RAB18: variants seen among roughly 807,000 people sequenced by gnomAD.
The protein encoded by RAB18 is ras-related protein Rab-18.
In RAB18, 10 loss-of-function variants were observed where a neutral mutation model predicts 28.5. The ratio of observed to expected loss-of-function variants is 0.35; its 90% CI spans 0.22 to 0.60. The LOEUF (loss-of-function observed/expected upper bound fraction) is 0.60. Among genes scored for constraint, RAB18 ranks in the 20% least tolerant of loss-of-function variants. The pLI is 0.78. For synonymous variants in RAB18, 93 were observed against 86.9 expected, an observed-to-expected ratio of 1.07 and a Z score of -0.39; for missense variants, 188 against 244.2, an observed-to-expected ratio of 0.77 and a Z score of 1.53.
intron 3 of RAB18, among the ~76,000 whole-genome samples, chr10:27,531,117 A>G (rs919185675): frequency 4.6e-5 from 7 of 152,092 alleles, no homozygotes; most frequent in African/African-American, 1.7e-4. Flanking sequence ...TTATAAATTT[A>G]TCTGTTCAGA....
At chr10:27,530,563 G>A (rs1359753823) in intron 3 of RAB18, among the ~76,000 whole-genome samples, 1 of 151,682 alleles carries the variant, frequency 6.6e-6, no homozygotes, top group Non-Finnish European at 1.5e-5. Flanking sequence ...TTGCATGTAA[G>A]CAGATAGCTA....
chr10:27,521,693 G>T (rs1004821441), intron 2 of RAB18, among the ~76,000 whole-genome samples: 1 of 152,108 alleles, frequency 6.6e-6, no homozygotes, highest in Non-Finnish European at 1.5e-5. Flanking sequence ...TTGGGGACTC[G>T]GGGAAGGGTG....
At chr10:27,536,276 A>G (rs139230802) in intron 6 of RAB18, among the ~76,000 whole-genome samples, 2 of 152,308 alleles carry the variant, frequency 1.3e-5, no homozygotes, top group East Asian at 1.9e-4. Flanking sequence ...CATGGTGGTC[A>G]TTGGCATTTA....
chr10:27,510,204 A>G (rs751910726), intron 2 of RAB18: 10 of 465,214 alleles, frequency 2.1e-5, no homozygotes, highest in Non-Finnish European at 3.5e-5. Context: ...CTCCTATACT[A>G]TGGATTGTCT....
intron 1 of RAB18, among the ~76,000 whole-genome samples, chr10:27,506,774 A>C (rs1202064171): frequency 6.6e-6 from 1 of 152,152 alleles, no homozygotes; most frequent in Non-Finnish European, 1.5e-5. Flanking sequence ...CTCCTTGTAG[A>C]GTAAGGCCTG....
intron 2 of RAB18, 90 bp from the exon 3 acceptor site, chr10:27,526,738 T>C: frequency 7.8e-6 from 12 of 1,534,914 alleles, no homozygotes; most frequent in Non-Finnish European, 1.1e-5. Flanking sequence ...CATTTGATAA[T>C]AGTGACTTTT....
Position 27,538,954 on chromosome 10 carries a change from G to C in RAB18, c.*903G>C, listed in dbSNP as rs1245827217. On this transcript the variant is annotated 3_prime_UTR_variant, in exon 7 of 7. Transcript: ENST00000356940. The stretch of plus-strand genomic sequence containing the variant: ...TCTGTATCTTACGGCTTCCATAATG[G>C]CTAGTTGATATTCAAAAACCTATTT... 1 of 448,770 alleles carries C rather than the reference G, an allele frequency of 2.2e-6. No individual in the cohort carries two copies. The highest frequency in any genetic ancestry group is 7.0e-5 in the East Asian group (1 of 14,324). 27.8% of individuals were successfully genotyped at this position (448,770 alleles called of 1,614,324 possible). A position where few individuals can be genotyped will look rare whatever the true frequency, so the allele number is the denominator to read the frequency against.
intron 2 of RAB18, among the ~76,000 whole-genome samples, chr10:27,513,405 G>T (rs2138979881): frequency 6.6e-6 from 1 of 152,134 alleles, no homozygotes; most frequent in African/African-American, 2.4e-5. Context: ...ATGAAAATTG[G>T]TATTTTACCC....
intron 2 of RAB18, among the ~76,000 whole-genome samples, chr10:27,511,596 A>T (rs747803749): frequency 6.6e-6 from 1 of 152,138 alleles, no homozygotes; most frequent in Non-Finnish European, 1.5e-5. Flanking sequence ...TATTTTGTAG[A>T]ATGTCTCTCA....
intron 1 of RAB18, among the ~76,000 whole-genome samples, chr10:27,508,644 C>G (rs906270822): frequency 6.6e-6 from 1 of 152,082 alleles, no homozygotes; most frequent in Non-Finnish European, 1.5e-5. Context: ...TTTGACTCTT[C>G]TTTTTTACTT....
At position 27,538,698 on chromosome 10, in the gene RAB18, G is replaced by T. The variant is rs2132416798; in HGVS notation, c.*647G>T. On this transcript the variant is annotated 3_prime_UTR_variant, in exon 7 of 7. Coordinates refer to ENST00000356940, the MANE Select transcript of RAB18 (RefSeq NM_021252.5). ...AATGATTAGCTCAGTTGCTTAACTG[G>T]AGTTTTAATCCTGTGATATGTACAT... is the stretch of plus-strand genomic sequence containing the variant. 1 of 454,098 alleles carries T rather than the reference G, an allele frequency of 2.2e-6. No homozygotes were observed. 28.1% of individuals were successfully genotyped at this position (454,098 alleles called of 1,614,324 possible).
chr10:27,525,258 G>A (rs1834648550), intron 2 of RAB18, among the ~76,000 whole-genome samples: 1 of 151,930 alleles, frequency 6.6e-6, no homozygotes, highest in Non-Finnish European at 1.5e-5. Flanking sequence ...GATTATTAAG[G>A]AAAAAAATTA....
chr10:27,534,502 CATGT>C (rs1329418601), intron 6 of RAB18, among the ~76,000 whole-genome samples: 1 of 152,250 alleles, frequency 6.6e-6, no homozygotes, highest in Non-Finnish European at 1.5e-5. Flanking sequence ...CAGCCATGTC[CATGT>C]GTTTACATGT....
chr10:27,506,844 G>T (rs747210694), intron 1 of RAB18, among the ~76,000 whole-genome samples: 1 of 152,092 alleles, frequency 6.6e-6, no homozygotes, highest in Non-Finnish European at 1.5e-5. Flanking sequence ...CAAATTTACC[G>T]TGGGCCTAAT....
chr10:27,538,930 C>G lies in RAB18; in HGVS notation c.*879C>G. On this transcript the variant is annotated 3_prime_UTR_variant, in exon 7 of 7. Transcript: ENST00000356940. The stretch of plus-strand genomic sequence containing the variant: ...TAGCTTGTGTAATGTTGATGAATAT[C>G]TGTATCTTACGGCTTCCATAATGGC... The G allele has an allele frequency of 8.8e-6, 4 of 453,012 alleles. No individual in the cohort carries two copies. The highest frequency in any genetic ancestry group is 6.2e-5 in the South Asian group (4 of 64,420). 28.1% of individuals were successfully genotyped at this position (453,012 alleles called of 1,614,324 possible). A position where few individuals can be genotyped will look rare whatever the true frequency, so the allele number is the denominator to read the frequency against.
At chr10:27,526,996 A>G (rs1305821028) in intron 3 of RAB18, 107 bp downstream of exon 3, 2 of 1,224,616 alleles carry the variant, frequency 1.6e-6, no homozygotes, top group Non-Finnish European at 2.4e-6. Flanking sequence ...AATTTGTATT[A>G]AATAACTTTT....
At chr10:27,526,719 T>A (rs2132397768) in intron 2 of RAB18, 109 bp from the exon 3 acceptor site, 1 of 1,316,068 alleles carries the variant, frequency 7.6e-7, no homozygotes, top group Non-Finnish European at 1.1e-6. Flanking sequence ...AGTTGGGGTG[T>A]GAATTGGGCA....
rs969348508 is a variant in RAB18, at chr10:27,542,027, T to C, written c.*3976T>C. On this transcript the variant is annotated 3_prime_UTR_variant, in exon 7 of 7. Transcript: ENST00000356940. ...GCTTTTTCAGGAGCAATTGAAGACA[T>C]CTTGTTGGAGATAGTGTGCTGGGAG... 1.1e-5 allele frequency: 5 copies of C among 454,076 alleles called. No individual in the cohort carries two copies. The highest frequency in any genetic ancestry group is 2.2e-5 in the Non-Finnish European group (5 of 226,780). The allele number at this position is 454,076 out of a possible 1,614,324, so 28.1% of individuals were successfully genotyped here. A position where few individuals can be genotyped will look rare whatever the true frequency, so the allele number is the denominator to read the frequency against.
intron 2 of RAB18, 55 bp from the exon 3 acceptor site, chr10:27,526,773 G>A: frequency 1.9e-6 from 3 of 1,605,930 alleles, no homozygotes; most frequent in East Asian, 2.2e-5. Context: ...TCTTGGTAAT[G>A]GATTTTAAAA....
Sources: allele counts gnomAD v4.1 joint callset (sites outside exome capture counted in the v4.1 genomes callset), GRCh38; gene constraint gnomAD v4.1.1; transcripts MANE v1.5; gene names NCBI Gene and HGNC (gene_info 2026-07-23, HGNC 2026-07-21).